Variants in PSD observed in about 807,000 individuals in gnomAD.
PSD encodes PH and SEC7 domain-containing protein 1.
In PSD, 32 loss-of-function variants were observed where a neutral mutation model predicts 91.6. The observed-to-expected ratio is 0.35, with a 90% CI of 0.26 to 0.47. The LOEUF is 0.47. Among genes scored for constraint, PSD ranks in the 20% least tolerant of loss-of-function variants. PSD has a pLI of 1.00. For missense variants in PSD, 1,099 were observed against 1,373.9 expected (o/e 0.80, Z 3.16); for synonymous variants, 532 against 569.3 (o/e 0.93, Z 0.93).
chr10:102,415,799 C>T (rs1295036309), intron 3 of PSD, among the ~76,000 whole-genome samples: 1 of 152,226 alleles, frequency 6.6e-6, no homozygotes, highest in Non-Finnish European at 1.5e-5. Context: ...TCTGTCCCCT[C>T]CCTCCATTAC....
Position 102,404,664 on chromosome 10 carries a change from C to T in PSD, c.2619G>A (p.Ala873=), listed in dbSNP as rs762057283. The change falls in exon 15 of 17, where the codon GCG becomes GCA. Residue 873 remains alanine (A), a synonymous_variant. Transcript: ENST00000020673. The surrounding 1 kb of genome is among the most constrained non-coding windows in gnomAD (Gnocchi z 5.7). ...RINVVAAMFS[A]PPFPAAVSSQ... is the part of the protein sequence containing the mutation. ...AGCTAACAGCAGCTGGGAAGGGGGGCGCAGAGAACATAGCGGCTACTACAT... is the reference window on the plus strand; with the variant it reads ...AGCTAACAGCAGCTGGGAAGGGGGGTGCAGAGAACATAGCGGCTACTACAT... 1.4e-5 allele frequency: 22 copies of T among 1,610,736 alleles called. No individual in the cohort carries two copies. The highest frequency in any genetic ancestry group is 8.0e-5 in the African/African-American group (6 of 74,804).
rs200819772 is a variant in PSD at position 102,403,922 on chromosome 10, G to A, written c.2764C>T (p.Arg922Trp). Residue 922 changes from arginine (R) to tryptophan (W), a missense_variant, in exon 16 of 17, where the codon CGG becomes TGG. Arg to Trp is a moderately radical substitution (Grantham distance 101). Transcript: ENST00000020673. This position sits in a 1 kb window ranked among gnomAD's most constrained non-coding sequence, Gnocchi z 6.7. ...CCCTTCTTGCCCAGCTGGGCGGCCC[G>A]GTGCTCCCGCAGCTCACTTGCCATG... ...KAMASELREH[R>W]AAQLGKKGRG... is the part of the protein sequence containing the mutation. 29 of 1,593,290 alleles carry A rather than the reference G, an allele frequency of 1.8e-5. No homozygotes were observed. Among genetic ancestry groups the A allele is most frequent in the African/African-American group, 4.0e-5 (3 of 74,768 alleles).
chr10:102,412,607 G>C, intron 5 of PSD, 32 bp from the exon 6 acceptor site: 1 of 1,585,876 alleles, frequency 6.3e-7, no homozygotes, highest in Non-Finnish European at 8.6e-7. Flanking sequence ...TCAGGCTGGG[G>C]CAGGGTCCTT....
chr10:102,410,683 G>C lies in PSD; in HGVS notation c.2091+175C>G, dbSNP rs1235845475. On this transcript the variant is annotated intron_variant, in intron 10 of 16. Coordinates refer to ENST00000020673, the MANE Select transcript of PSD (RefSeq NM_002779.5). The surrounding 1 kb of genome is among the most constrained non-coding windows in gnomAD (Gnocchi z 6.0). ...GCGCATGTTCCGGGAGAGCCTGCGC[G>C]TGGGGCCTGGGGAGGGGGCGGTCCC... Among the ~76,000 whole-genome samples, 2 of 152,200 alleles carry C rather than the reference G, an allele frequency of 1.3e-5. No homozygotes were observed. The highest frequency in any genetic ancestry group is 4.8e-5 in the African/African-American group (2 of 41,464).
Position 102,410,884 on chromosome 10 carries a change from C to T in PSD, c.2065G>A (p.Gly689Ser), listed in dbSNP as rs766890257. 3.1e-6 allele frequency: 5 copies of T among 1,613,770 alleles called. No homozygotes were observed. The highest frequency in any genetic ancestry group is 4.2e-6 in the Non-Finnish European group (5 of 1,179,760). The change falls in exon 10 of 17, where the codon GGC becomes AGC. Residue 689 changes from glycine to serine, a missense_variant. Physicochemically the swap from Gly to Ser is moderately conservative, Grantham distance 56. This residue lies in a region of PSD where 110 missense variants were observed against 218.7 expected (regional missense o/e 0.50). Transcript: ENST00000020673. The surrounding 1 kb of genome is among the most constrained non-coding windows in gnomAD (Gnocchi z 6.0). Reference sequence around the variant, plus strand: ...TTGAGCAGCTCCCTAGGGAAGTCGCCGCCATCATTGAGGCCCTCCAGGTTC... The same window carrying T: ...TTGAGCAGCTCCCTAGGGAAGTCGCTGCCATCATTGAGGCCCTCCAGGTTC... ...IGNLEGLNDG[G>S]DFPRELLKAL...
intron 6 of PSD, 59 bp from the exon 7 acceptor site, chr10:102,412,286 G>T: frequency 1.2e-6 from 2 of 1,610,868 alleles, no homozygotes; most frequent in African/African-American, 2.7e-5. Flanking sequence ...GGGTCAGGTG[G>T]GGATTACCCA....
chr10:102,403,049 C>G lies in PSD; in HGVS notation c.*151G>C, dbSNP rs769956668. 12 of 511,500 alleles carry G rather than the reference C, an allele frequency of 2.3e-5. No individual in the cohort carries two copies. Among genetic ancestry groups the G allele is most frequent in the Admixed American group, 4.1e-5 (1 of 24,218 alleles). 31.7% of individuals were successfully genotyped at this position (511,500 alleles called of 1,614,324 possible). ...TAGCCTAGGCTCCTGAGGCCCAGGC[C>G]CCAGCCCTGCCCTGCCCCGGACACC... On this transcript the variant is annotated 3_prime_UTR_variant, in exon 17 of 17. Transcript: ENST00000020673. This position sits in a 1 kb window ranked among gnomAD's most constrained non-coding sequence, Gnocchi z 6.7.
In PSD at chr10:102,412,592, C is replaced by A. The variant is rs1287343776; in HGVS notation, c.1554-17G>T. The A allele has an allele frequency of 2.5e-6, 4 of 1,600,814 alleles. No homozygotes were observed. Among genetic ancestry groups the A allele is most frequent in the Non-Finnish European group, 3.4e-6 (4 of 1,172,210 alleles). On this transcript the variant is annotated splice_polypyrimidine_tract_variant and intron_variant, in intron 5 of 16. Coordinates refer to ENST00000020673, the MANE Select transcript of PSD (RefSeq NM_002779.5). ...GGTGGTTCGCTGCCGGGGTAGAACA[C>A]CAGCTCAGGCTGGGGCAGGGTCCTT... is the stretch of plus-strand genomic sequence containing the variant.
rs201223210 is a variant in PSD, at chr10:102,405,087, A to C, written c.2398-32T>G. 3 of 1,612,150 alleles carry C rather than the reference A, an allele frequency of 1.9e-6. No individual in the cohort carries two copies. Among genetic ancestry groups the C allele is most frequent in the South Asian group, 2.2e-5 (2 of 91,016 alleles). On this transcript the variant is annotated intron_variant, in intron 13 of 16. Transcript: ENST00000020673. The surrounding 1 kb of genome is among the most constrained non-coding windows in gnomAD (Gnocchi z 5.4). ...GGGTGTCCATCTTGTCCTGGCCCCAAATGCAGCCTGGCCCAGCCCCTCCTA... is the reference window on the plus strand; with the variant it reads ...GGGTGTCCATCTTGTCCTGGCCCCACATGCAGCCTGGCCCAGCCCCTCCTA...
chr10:102,406,433 A>G (rs1399953817), intron 11 of PSD, among the ~76,000 whole-genome samples: 1 of 152,160 alleles, frequency 6.6e-6, no homozygotes, highest in African/African-American at 2.4e-5. Flanking sequence ...CCAAGGCCCA[A>G]ACTGGATTTC....
Position 102,405,321 on chromosome 10 carries a change from C to T in PSD, c.2326+25G>A, listed in dbSNP as rs373575545. 297 of 1,607,798 alleles carry T rather than the reference C, an allele frequency of 1.8e-4. No individual in the cohort carries two copies. Among genetic ancestry groups the T allele is most frequent in the Non-Finnish European group, 2.3e-4 (272 of 1,178,194 alleles). On this transcript the variant is annotated intron_variant, in intron 12 of 16. Transcript: ENST00000020673. The surrounding 1 kb of genome is among the most constrained non-coding windows in gnomAD (Gnocchi z 5.4). ...CACTCCCATCCATCCCCTAGACGCC[C>T]GCCCCCCGCAACTCGGCCACATACT...
chr10:102,412,132 G>C lies in PSD; in HGVS notation c.1829+15C>G, dbSNP rs1388486896. 2 of 1,612,810 alleles carry C rather than the reference G, an allele frequency of 1.2e-6. No homozygotes were observed. Among genetic ancestry groups the C allele is most frequent in the East Asian group, 4.5e-5 (2 of 44,874 alleles). On this transcript the variant is annotated intron_variant, in intron 7 of 16. Transcript: ENST00000020673. ...CCGGAGAGTGGGGGCTGTCCTCCAA[G>C]GGGTCAACACCCACCTGAGAGCTTG...
chr10:102,404,437 C>G lies in PSD; in HGVS notation c.2700+146G>C. On this transcript the variant is annotated intron_variant, in intron 15 of 16. Transcript: ENST00000020673. The surrounding 1 kb of genome is among the most constrained non-coding windows in gnomAD (Gnocchi z 5.7). ...GCCGGCAAGCGGGACCCAGTGGGGG[C>G]TGGATTTCAGTCCCTGCTCACCCCT... 9.5e-7 allele frequency: 1 copy of G among 1,051,984 alleles called. No homozygotes were observed. The highest frequency in any genetic ancestry group is 1.3e-6 in the Non-Finnish European group (1 of 765,528). 65.2% of individuals were successfully genotyped at this position (1,051,984 alleles called of 1,614,324 possible). A position where few individuals can be genotyped will look rare whatever the true frequency, so the allele number is the denominator to read the frequency against.
rs2061401043 is a variant in PSD at position 102,409,302 on chromosome 10, G to A, written c.2091+1556C>T. The A allele has an allele frequency of 1.2e-5, 12 of 985,402 alleles. No homozygotes were observed. Among genetic ancestry groups the A allele is most frequent in the Admixed American group, 6.2e-5 (1 of 16,246 alleles). The allele number at this position is 985,402 out of a possible 1,614,324, so 61.0% of individuals were successfully genotyped here. A position where few individuals can be genotyped will look rare whatever the true frequency, so the allele number is the denominator to read the frequency against. Reference sequence around the variant, plus strand: ...TGCGGCTTGGCTAGAGCGGGAGGGGGGCGCCGACGGGAAAGGGAGGGCGAG... The same window carrying A: ...TGCGGCTTGGCTAGAGCGGGAGGGGAGCGCCGACGGGAAAGGGAGGGCGAG... On this transcript the variant is annotated intron_variant, in intron 10 of 16. Transcript: ENST00000020673. This position sits in a 1 kb window ranked among gnomAD's most constrained non-coding sequence, Gnocchi z 5.7.
intron 10 of PSD, among the ~76,000 whole-genome samples, chr10:102,408,188 T>A (rs1010953810): frequency 6.6e-6 from 1 of 152,170 alleles, no homozygotes; most frequent in Non-Finnish European, 1.5e-5. Context: ...TTGGGCTAAG[T>A]GTGTGGCGTG....
Position 102,405,157 on chromosome 10 carries a change from C to A in PSD, c.2397+26G>T, listed in dbSNP as rs970639020. 7 of 1,610,918 alleles carry A rather than the reference C, an allele frequency of 4.3e-6. No individual in the cohort carries two copies. Among genetic ancestry groups the A allele is most frequent in the Non-Finnish European group, 4.2e-6 (5 of 1,179,746 alleles). ...ACCCACCAGCCAACTCAGTCCCAGC[C>A]CCAGCCCCCTGGCCTGACCCCGCAC... On this transcript the variant is annotated intron_variant, in intron 13 of 16. Coordinates refer to ENST00000020673, the MANE Select transcript of PSD (RefSeq NM_002779.5). This position sits in a 1 kb window ranked among gnomAD's most constrained non-coding sequence, Gnocchi z 5.4.
rs1185999358 is a variant in PSD at position 102,415,071 on chromosome 10, C to T, written c.916G>A (p.Ala306Thr). 6.2e-7 allele frequency: 1 copy of T among 1,614,128 alleles called. No homozygotes were observed. The highest frequency in any genetic ancestry group is 1.7e-5 in the Admixed American group (1 of 60,024). The change falls in exon 4 of 17, where the codon GCT becomes ACT. Residue 306 changes from alanine to threonine, a missense_variant. Coordinates refer to ENST00000020673, the MANE Select transcript of PSD (RefSeq NM_002779.5). Reference protein sequence around the residue: ...YRETDIDEVLAEREEADSAIE... With the variant: ...YRETDIDEVLTEREEADSAIE... ...GCCGAGTCGGCCTCCTCCCGCTCAG[C>T]CAGCACCTCATCGATGTCAGTCTCG...
intron 1 of PSD, among the ~76,000 whole-genome samples, chr10:102,418,058 CAA>C (rs1304490525): frequency 6.2e-5 from 2 of 32,346 alleles, no homozygotes; most frequent in East Asian, 8.8e-4. Context: ...TACACACACA[CAA>C]ACACACACAC....
Position 102,413,965 on chromosome 10 carries a change from G to A in PSD, c.1357C>T (p.Pro453Ser). The stretch of plus-strand genomic sequence containing the variant: ...AGTGGGGCGGGAGCTGGTGGGTCGG[G>A]CCGGGGTGCAGGGGGTTGGGGAGGC... ...ELPPQPPAPR[P>S]DPPAPAPLAP... Residue 453 changes from proline (P) to serine (S), a missense_variant, in exon 5 of 17, where the codon CCC (proline) becomes TCC (serine). Pro to Ser is a moderately conservative substitution (Grantham distance 74, BLOSUM62 -1). Transcript: ENST00000020673. 4 of 1,613,914 alleles carry A rather than the reference G, an allele frequency of 2.5e-6. No homozygotes were observed. Among genetic ancestry groups the A allele is most frequent in the South Asian group, 1.1e-5 (1 of 91,090 alleles).
Sources: allele counts gnomAD v4.1 joint callset (sites outside exome capture counted in the v4.1 genomes callset), GRCh38; gene constraint gnomAD v4.1.1; regional missense constraint gnomAD v4.1.1; non-coding constraint Gnocchi (gnomAD v3.1); transcripts MANE v1.5; gene names NCBI Gene and HGNC (gene_info 2026-07-23, HGNC 2026-07-21).